Variants in SAMD3 observed in about 807,000 individuals in gnomAD.
The protein encoded by SAMD3 is sterile alpha motif domain containing 3, also known as sterile alpha motif domain-containing protein 3.
Under a neutral mutation model 58.5 loss-of-function variants are expected in SAMD3, and 63 were observed. That is an observed-to-expected ratio of 1.08 (90% CI 0.88 to 1.33). The LOEUF is 1.33. Ranked by LOEUF, SAMD3 falls within the 40% of genes most tolerant of loss-of-function variation. The probability of loss-of-function intolerance (pLI) is 0.00; values close to 1 mark genes in which losing one functional copy is unlikely to be tolerated. For synonymous variants in SAMD3, 220 were observed against 210.3 expected, an observed-to-expected ratio of 1.05 and a Z score of -0.40; for missense variants, 604 against 608.4, an observed-to-expected ratio of 0.99 and a Z score of 0.08.
chr6:130,321,546 G>A (rs748660359), intron 1 of SAMD3, among the ~76,000 whole-genome samples: 7 of 152,164 alleles, frequency 4.6e-5, no homozygotes, highest in Non-Finnish European at 1.0e-4. Flanking sequence ...ATCCAGAGGT[G>A]TTCCTTAGAA....
chr6:130,224,596 TTATTATTATTA>T (rs541406287), upstream of SAMD3, among the ~76,000 whole-genome samples: 1,866 of 51,862 alleles, frequency 0.036, 29 homozygotes, highest in African/African-American at 0.29. Flanking sequence ...TATTTATTTA[TTATTATTATTA>T]TTATTATTAT....
At chr6:130,355,370 G>A (rs979321243) in intron 1 of SAMD3, among the ~76,000 whole-genome samples, 1 of 152,166 alleles carries the variant, frequency 6.6e-6, no homozygotes, top group Non-Finnish European at 1.5e-5. Context: ...GTTGCAATGA[G>A]CTGATATTGC....
intron 2 of SAMD3, among the ~76,000 whole-genome samples, chr6:130,295,437 A>G (rs1319063987): frequency 6.6e-6 from 1 of 152,168 alleles, no homozygotes; most frequent in African/African-American, 2.4e-5. Context: ...ATTGCATCCT[A>G]AATTTCTCTT....
chr6:130,233,924 C>T (rs1796614486), intron 2 of SAMD3, among the ~76,000 whole-genome samples: 1 of 152,210 alleles, frequency 6.6e-6, no homozygotes, highest in Admixed American at 6.5e-5. Flanking sequence ...TACAATGCTG[C>T]ATATGTCATT....
chr6:130,210,679 C>T (rs1795464614), intron 4 of SAMD3, among the ~76,000 whole-genome samples: 1 of 151,698 alleles, frequency 6.6e-6, no homozygotes, highest in Non-Finnish European at 1.5e-5. Flanking sequence ...CTCCTCTCAG[C>T]TAAAGGCATT....
At chr6:130,220,024 TG>T (rs1234834697) in intron 1 of SAMD3, among the ~76,000 whole-genome samples, 2 of 152,186 alleles carry the variant, frequency 1.3e-5, no homozygotes, top group African/African-American at 4.8e-5. Context: ...TTTTTTGAGA[TG>T]GAGTCTCGCT....
At chr6:130,150,594 T>TA (rs1333598234) in intron 9 of SAMD3, among the ~76,000 whole-genome samples, 2 of 152,170 alleles carry the variant, frequency 1.3e-5, no homozygotes, top group Non-Finnish European at 2.9e-5. Flanking sequence ...TTGTCCTTAG[T>TA]CCTAGCTAAG....
chr6:130,337,149 G>A (rs1777124570), intron 1 of SAMD3, among the ~76,000 whole-genome samples: 1 of 152,134 alleles, frequency 6.6e-6, no homozygotes, highest in Non-Finnish European at 1.5e-5. Context: ...ATGTGTTGAG[G>A]GAGGGATCTG....
At chr6:130,273,668 T>C (rs1774660573) in intron 2 of SAMD3, among the ~76,000 whole-genome samples, 2 of 152,052 alleles carry the variant, frequency 1.3e-5, no homozygotes, top group Non-Finnish European at 2.9e-5. Flanking sequence ...CTGTATGTAT[T>C]TTTGTGTGTG....
At chr6:130,266,081 G>A (rs1216628230) in intron 2 of SAMD3, among the ~76,000 whole-genome samples, 3 of 151,980 alleles carry the variant, frequency 2.0e-5, no homozygotes, top group African/African-American at 4.8e-5. Context: ...CTTAATCCTC[G>A]CTAGAAAAAA....
At chr6:130,353,945 G>A (rs1321309949) in intron 1 of SAMD3, among the ~76,000 whole-genome samples, 1 of 152,028 alleles carries the variant, frequency 6.6e-6, no homozygotes. Context: ...CTAATATCCA[G>A]CATCTATAAG....
At chr6:130,203,525 CCAT>C (rs375282669) in intron 5 of SAMD3, among the ~76,000 whole-genome samples, 2 of 152,326 alleles carry the variant, frequency 1.3e-5, no homozygotes, top group African/African-American at 4.8e-5. Flanking sequence ...GATTGAATCA[CCAT>C]GAGTGACAAT....
chr6:130,287,804 G>T (rs1775211220), intron 2 of SAMD3, among the ~76,000 whole-genome samples: 1 of 152,088 alleles, frequency 6.6e-6, no homozygotes, highest in Non-Finnish European at 1.5e-5. Flanking sequence ...ATTAGCACGG[G>T]CATGGTGTCA....
chr6:130,160,153 C>T (rs1322191745), intron 8 of SAMD3: 1 of 152,210 alleles, frequency 6.6e-6, no homozygotes, highest in African/African-American at 2.4e-5. Flanking sequence ...AAAAAATCTT[C>T]ACATATGCTT....
At chr6:130,261,682 A>G (rs1324538206) in intron 2 of SAMD3, among the ~76,000 whole-genome samples, 1 of 152,130 alleles carries the variant, frequency 6.6e-6, no homozygotes, top group African/African-American at 2.4e-5. Context: ...AAAAATTTCA[A>G]AAAGGATTTA....
intron 2 of SAMD3, among the ~76,000 whole-genome samples, chr6:130,301,148 C>T (rs1583070590): frequency 6.6e-6 from 1 of 152,290 alleles, no homozygotes; most frequent in African/African-American, 2.4e-5. Context: ...AGGACACAAA[C>T]TCATTCTTTT....
intron 2 of SAMD3, among the ~76,000 whole-genome samples, chr6:130,251,115 G>T (rs1033838818): frequency 1.3e-5 from 2 of 152,064 alleles, no homozygotes; most frequent in Non-Finnish European, 2.9e-5. Flanking sequence ...CTGTCTTTTT[G>T]ATTATAGCCA....
chr6:130,277,595 T>C (rs1283158987), intron 2 of SAMD3, among the ~76,000 whole-genome samples: 1 of 152,182 alleles, frequency 6.6e-6, no homozygotes, highest in Non-Finnish European at 1.5e-5. Context: ...ATATAACTCC[T>C]GTTCATCCTT....
At chr6:130,270,674 G>A (rs1262330395) in intron 2 of SAMD3, among the ~76,000 whole-genome samples, 2 of 152,070 alleles carry the variant, frequency 1.3e-5, no homozygotes, top group South Asian at 2.1e-4. Context: ...CATGTGGCCT[G>A]CATATGGTCT....
Sources: gnomAD v4.1 joint callset for allele counts (sites outside exome capture counted in the v4.1 genomes callset) on GRCh38, gnomAD v4.1.1 for gene constraint, MANE v1.5 for transcripts, NCBI Gene and HGNC (gene_info 2026-07-23, HGNC 2026-07-21) for gene names.